The following ANKRD45 variants were observed in gnomAD, a reference collection of about 807,000 sequenced individuals.
ANKRD45 encodes the protein ankyrin repeat domain-containing protein 45.
ANKRD45 carries 21 observed loss-of-function variants against 28.1 expected under a neutral mutation model. The ratio of observed to expected loss-of-function variants is 0.75; its 90% CI spans 0.53 to 1.08. ANKRD45 has a LOEUF of 1.08. Ranked by LOEUF, ANKRD45 falls within the 50% of genes least tolerant of loss-of-function variation. The probability of loss-of-function intolerance (pLI) is 0.00; values close to 1 mark genes in which losing one functional copy is unlikely to be tolerated. For missense variants in ANKRD45, 261 were observed against 308.7 expected, an observed-to-expected ratio of 0.85 and a Z score of 1.16; for synonymous variants, 86 against 103.9, an observed-to-expected ratio of 0.83 and a Z score of 1.05.
At chr1:173,692,953 G>A in the ANKRD45 span, among the ~76,000 whole-genome samples, 6 of 152,096 alleles carry the variant, frequency 3.9e-5, no homozygotes, top group African/African-American at 1.2e-4. Context: ...TGACAGCCCT[G>A]GCTTTGTGGT....
intron 5 of ANKRD45, among the ~76,000 whole-genome samples, chr1:173,614,279 T>A (rs897960896): frequency 2.7e-4 from 40 of 150,272 alleles, no homozygotes; most frequent in South Asian, 6.3e-4. Flanking sequence ...AAAAAAAAAA[T>A]AAATAAAATA....
chr1:173,619,008 C>T (rs1466649582), intron 5 of ANKRD45, among the ~76,000 whole-genome samples: 2 of 152,134 alleles, frequency 1.3e-5, no homozygotes, highest in Non-Finnish European at 1.5e-5. Context: ...AAAGAATTTC[C>T]AACCCAGAAT....
At chr1:173,617,644 C>G (rs1667520693) in intron 5 of ANKRD45, among the ~76,000 whole-genome samples, 1 of 152,230 alleles carries the variant, frequency 6.6e-6, no homozygotes, top group South Asian at 2.1e-4. Flanking sequence ...TAAGATGGAG[C>G]CACTGTGGGG....
At position 173,609,978 on chromosome 1, in the gene ANKRD45, A is replaced by G; in HGVS notation, c.*167T>C. On this transcript the variant is annotated 3_prime_UTR_variant, in exon 6 of 6. Transcript: ENST00000333279. ...TGCTTGGAGGAGCAGAGGCGAGGCC[A>G]GAGTCCGGACATAAGCATGCTGAAC... 1 of 662,696 alleles carries G rather than the reference A, an allele frequency of 1.5e-6. No individual in the cohort carries two copies. The highest frequency in any genetic ancestry group is 2.6e-6 in the Non-Finnish European group (1 of 387,204). 41.1% of individuals were successfully genotyped at this position (662,696 alleles called of 1,614,324 possible).
chr1:173,712,152 A>C, the ANKRD45 span, among the ~76,000 whole-genome samples: 1 of 152,244 alleles, frequency 6.6e-6, no homozygotes, highest in Non-Finnish European at 1.5e-5. Context: ...AAATGTTTGA[A>C]CAGTAATGAG....
chr1:173,646,760 G>C lies in ANKRD45; in HGVS notation c.496+86C>G, dbSNP rs371681180. On this transcript the variant is annotated intron_variant, in intron 3 of 5. Coordinates refer to ENST00000333279, the MANE Select transcript of ANKRD45 (RefSeq NM_198493.3). The stretch of plus-strand genomic sequence containing the variant: ...TGGTTGTATCTACAAACAAAACACT[G>C]TGAAAAAAGGTGACATATCCTGTAA... 5.2e-6 allele frequency: 7 copies of C among 1,351,792 alleles called. No individual in the cohort carries two copies. The East Asian group carries it at 1.4e-4, about 27-fold the overall frequency. The allele number at this position is 1,351,792 out of a possible 1,614,324, so 83.7% of individuals were successfully genotyped here.
At chr1:173,615,458 G>A (rs543400040) in intron 5 of ANKRD45, among the ~76,000 whole-genome samples, 22 of 151,348 alleles carry the variant, frequency 1.5e-4, no homozygotes, top group African/African-American at 4.4e-4. Flanking sequence ...GTGCAAGAAC[G>A]ATTTAATGTG....
At chr1:173,706,700 A>G in the ANKRD45 span, among the ~76,000 whole-genome samples, 1 of 152,108 alleles carries the variant, frequency 6.6e-6, no homozygotes, top group Non-Finnish European at 1.5e-5. Context: ...TTGTTTATTT[A>G]ATCAGCCCCC....
intron 5 of ANKRD45, among the ~76,000 whole-genome samples, chr1:173,618,291 A>G (rs990814094): frequency 6.6e-6 from 1 of 152,250 alleles, no homozygotes; most frequent in African/African-American, 2.4e-5. Flanking sequence ...AACTGAGGCC[A>G]AGATGGCTGA....
chr1:173,710,863 C>T, the ANKRD45 span, among the ~76,000 whole-genome samples: 1 of 152,064 alleles, frequency 6.6e-6, no homozygotes, highest in African/African-American at 2.4e-5. Flanking sequence ...CGGGAGAAGC[C>T]CTCTCCTGCC....
chr1:173,714,382 G>A, the ANKRD45 span, among the ~76,000 whole-genome samples: 1 of 152,174 alleles, frequency 6.6e-6, no homozygotes, highest in Non-Finnish European at 1.5e-5. Context: ...TGAATCCACA[G>A]AAGATGTGTT....
the ANKRD45 span, among the ~76,000 whole-genome samples, chr1:173,712,308 C>G: frequency 2.6e-5 from 4 of 152,182 alleles, no homozygotes; most frequent in Non-Finnish European, 4.4e-5. Context: ...GACAACACAG[C>G]ACTGTAGCTG....
intron 3 of ANKRD45, among the ~76,000 whole-genome samples, chr1:173,641,865 A>T (rs771777540): frequency 5.3e-5 from 8 of 152,180 alleles, no homozygotes; most frequent in Non-Finnish European, 8.8e-5. Flanking sequence ...CATATCTATA[A>T]ATAAAAATAT....
In ANKRD45 at chr1:173,610,108, T is replaced by C. The variant is rs750497635; in HGVS notation, c.*37A>G. On this transcript the variant is annotated 3_prime_UTR_variant, in exon 6 of 6. Transcript: ENST00000333279. ...GGCATGAATAGGTTTGCCTTTCAGA[T>C]ACTAAAAGAAAATGTGGCCTTTTAC... 1.3e-6 allele frequency: 2 copies of C among 1,589,052 alleles called. No individual in the cohort carries two copies. Among genetic ancestry groups the C allele is most frequent in the Admixed American group, 1.7e-5 (1 of 58,838 alleles).
intron 2 of ANKRD45, among the ~76,000 whole-genome samples, chr1:173,648,168 G>T (rs1460543721): frequency 6.6e-6 from 1 of 152,056 alleles, no homozygotes. Context: ...TTGATCTCTT[G>T]ACCTCGTGAT....
chr1:173,634,661 A>C (rs927150600), intron 3 of ANKRD45, among the ~76,000 whole-genome samples: 2 of 152,028 alleles, frequency 1.3e-5, no homozygotes, highest in Admixed American at 6.6e-5. Context: ...AATTTTATTT[A>C]GTTCTCATTT....
chr1:173,651,132 A>G (rs1669194636), intron 2 of ANKRD45, among the ~76,000 whole-genome samples: 2 of 152,108 alleles, frequency 1.3e-5, no homozygotes, highest in African/African-American at 4.8e-5. Context: ...TTTTGTTGCC[A>G]TTGCTTTTGG....
chr1:173,641,007 T>C (rs1668677343), intron 3 of ANKRD45, among the ~76,000 whole-genome samples: 1 of 152,168 alleles, frequency 6.6e-6, no homozygotes, highest in African/African-American at 2.4e-5. Flanking sequence ...TTGATGTAAA[T>C]GGGAAAGACC....
At chr1:173,634,918 T>C (rs1668357942) in intron 3 of ANKRD45, among the ~76,000 whole-genome samples, 1 of 151,880 alleles carries the variant, frequency 6.6e-6, no homozygotes, top group African/African-American at 2.4e-5. Context: ...CACTCAATAT[T>C]TGTTGAACTA....
Sources: gnomAD v4.1 joint callset for allele counts (sites outside exome capture counted in the v4.1 genomes callset) on GRCh38, gnomAD v4.1.1 for gene constraint, MANE v1.5 for transcripts, NCBI Gene and HGNC (gene_info 2026-07-23, HGNC 2026-07-21) for gene names.